Variants in TNN observed in about 807,000 individuals in gnomAD.
TNN encodes tenascin-N.
A neutral mutation model predicts 134.4 loss-of-function variants in TNN; 122 were observed. The ratio of observed to expected loss-of-function variants is 0.91; its 90% CI spans 0.78 to 1.06. The LOEUF is 1.06. Among genes scored for constraint, TNN ranks in the 50% least tolerant of loss-of-function variants. TNN has a pLI of 0.00. For synonymous variants in TNN, 710 were observed against 670.3 expected (o/e 1.06, Z -0.91); for missense variants, 1,739 against 1,699.4 (o/e 1.02, Z -0.41).
At chr1:175,076,762 G>C (rs1314424836) in intron 1 of TNN, among the ~76,000 whole-genome samples, 1 of 152,136 alleles carries the variant, frequency 6.6e-6, no homozygotes, top group Non-Finnish European at 1.5e-5. Context: ...GGCATTGTGG[G>C]GATGAGCATG....
rs1675540753 is a variant in TNN at position 175,126,834 on chromosome 1, C to T, written c.2915-121C>T. On this transcript the variant is annotated intron_variant, in intron 12 of 18. Coordinates refer to ENST00000239462, the MANE Select transcript of TNN (RefSeq NM_022093.2). The stretch of plus-strand genomic sequence containing the variant: ...AGGGAGGAAGAGAGCCTGCAAACTG[C>T]TTGAAAGAAGGAGGAGAAATGGGAG... The T allele has an allele frequency of 4.4e-6, 5 of 1,143,546 alleles. No homozygotes were observed. The South Asian group carries it at 8.0e-5, about 18-fold the overall frequency. The allele number at this position is 1,143,546 out of a possible 1,614,324, so 70.8% of individuals were successfully genotyped here.
intron 11 of TNN, among the ~76,000 whole-genome samples, chr1:175,121,796 T>C (rs1308056294): frequency 1.3e-5 from 2 of 152,224 alleles, no homozygotes; most frequent in Non-Finnish European, 2.9e-5. Flanking sequence ...GAGATTGGAC[T>C]ACCATTTCTT....
At chr1:175,125,507 T>C (rs1200140287) in intron 12 of TNN, among the ~76,000 whole-genome samples, 1 of 152,116 alleles carries the variant, frequency 6.6e-6, no homozygotes, top group East Asian at 1.9e-4. Flanking sequence ...AGAGCTCTGC[T>C]TTTCCTATAT....
Position 175,109,139 on chromosome 1 carries a change from A to G in TNN, c.2120-7800A>G, listed in dbSNP as rs1674952684. Among the ~76,000 whole-genome samples, 3 of 114,702 alleles carry G rather than the reference A, an allele frequency of 2.6e-5. No individual in the cohort carries two copies. In the South Asian group the frequency reaches 9.1e-4, roughly 35 times the overall value. 75.2% of individuals were successfully genotyped at this position (114,702 alleles called of 152,430 possible). A position where few individuals can be genotyped will look rare whatever the true frequency, so the allele number is the denominator to read the frequency against. ...CTCTGTCGCCCAGGCCGGACTGCGG[A>G]CTGCAGTGGCGCAATCTCGGCTCAC... On this transcript the variant is annotated intron_variant, in intron 9 of 18. Coordinates refer to ENST00000239462, the MANE Select transcript of TNN (RefSeq NM_022093.2).
chr1:175,080,975 G>C (rs868848963), intron 4 of TNN, among the ~76,000 whole-genome samples: 1 of 152,208 alleles, frequency 6.6e-6, no homozygotes, highest in Admixed American at 6.5e-5. Context: ...GTTGGTACTT[G>C]GACCCAGAGA....
At chr1:175,087,719 G>C (rs1674350579) in intron 6 of TNN, among the ~76,000 whole-genome samples, 1 of 152,114 alleles carries the variant, frequency 6.6e-6, no homozygotes. Flanking sequence ...TGTCTCCCTG[G>C]AAATAGCCTC....
chr1:175,143,459 G>T (rs898736231), intron 17 of TNN, among the ~76,000 whole-genome samples: 5 of 152,042 alleles, frequency 3.3e-5, no homozygotes, highest in African/African-American at 1.2e-4. Flanking sequence ...TGTAATGAAG[G>T]ACTGAATTTT....
chr1:175,117,333 A>C, intron 10 of TNN, 128 bp downstream of exon 10: 1 of 1,463,042 alleles, frequency 6.8e-7, no homozygotes, highest in Non-Finnish European at 9.2e-7. Context: ...GCATCCCTTC[A>C]TAACAGATTG....
chr1:175,120,417 A>G (rs920011549), intron 11 of TNN, among the ~76,000 whole-genome samples: 5 of 152,222 alleles, frequency 3.3e-5, no homozygotes, highest in Non-Finnish European at 7.3e-5. Context: ...CACTCAAATA[A>G]CAGTTGCATC....
chr1:175,127,115 T>C (rs1675550000), intron 13 of TNN, 30 bp downstream of exon 13: 2 of 1,606,046 alleles, frequency 1.2e-6, no homozygotes, highest in East Asian at 2.2e-5. Context: ...TTTCTCCTGG[T>C]GCCTTCTCTT....
intron 1 of TNN, among the ~76,000 whole-genome samples, chr1:175,070,361 A>C (rs1315177644): frequency 1.3e-5 from 2 of 152,162 alleles, no homozygotes; most frequent in African/African-American, 2.4e-5. Flanking sequence ...TGAAAAAGTG[A>C]TTGAGTGCTG....
intron 1 of TNN, among the ~76,000 whole-genome samples, chr1:175,073,416 C>T (rs936474301): frequency 2.0e-5 from 3 of 152,174 alleles, no homozygotes; most frequent in Non-Finnish European, 4.4e-5. Flanking sequence ...TTCCCACTCC[C>T]CCCATCTTCT....
At chr1:175,124,051 T>G (rs886739538) in intron 12 of TNN, among the ~76,000 whole-genome samples, 1 of 152,174 alleles carries the variant, frequency 6.6e-6, no homozygotes, top group South Asian at 2.1e-4. Context: ...CCATCCTCAG[T>G]TGATGATGAA....
chr1:175,077,403 C>T lies in TNN; in HGVS notation c.-16C>T, dbSNP rs372100456. 1.6e-4 allele frequency: 261 copies of T among 1,604,586 alleles called. No homozygotes were observed. The highest frequency in any genetic ancestry group is 2.1e-4 in the Non-Finnish European group (244 of 1,174,330). The stretch of plus-strand genomic sequence containing the variant: ...ATACAGGCATCCTGGAGGGTCTGCT[C>T]CCTGTCTTTCCAAGGATGAGTCTCC... On this transcript the variant is annotated 5_prime_UTR_variant, in exon 2 of 19. Transcript: ENST00000239462.
chr1:175,071,774 C>G (rs1673920124), intron 1 of TNN, among the ~76,000 whole-genome samples: 1 of 152,152 alleles, frequency 6.6e-6, no homozygotes, highest in Non-Finnish European at 1.5e-5. Flanking sequence ...AGAATGATAT[C>G]AACTGACTCC....
rs1674163760 is a variant in TNN at position 175,080,103 on chromosome 1, A to T, written c.785-60A>T. Reference sequence around the variant, plus strand: ...CCCTTATAGTGCTCAGGGAATACTCACTGGGTCTGGATCGCCTCCCTTGCT... The same window carrying T: ...CCCTTATAGTGCTCAGGGAATACTCTCTGGGTCTGGATCGCCTCCCTTGCT... On this transcript the variant is annotated intron_variant, in intron 3 of 18. Transcript: ENST00000239462. 4.4e-6 allele frequency: 7 copies of T among 1,592,434 alleles called. No individual in the cohort carries two copies. In the Admixed American group the frequency reaches 6.7e-5, roughly 15 times the overall value.
chr1:175,103,709 C>T (rs1376906917), intron 9 of TNN, among the ~76,000 whole-genome samples: 1 of 144,084 alleles, frequency 6.9e-6, no homozygotes, highest in Admixed American at 7.0e-5. Context: ...TTCTGACTAC[C>T]TCTTTGACTT....
chr1:175,106,944 A>G (rs553964173), intron 9 of TNN, among the ~76,000 whole-genome samples: 6 of 146,068 alleles, frequency 4.1e-5, no homozygotes, highest in Non-Finnish European at 6.1e-5. Context: ...TGGCTGACAG[A>G]TGCCCGGTAT....
chr1:175,135,910 C>A lies in TNN; in HGVS notation c.3396C>A (p.Gly1132=). Residue 1132 remains glycine, a synonymous_variant, in exon 16 of 19, where the codon GGC becomes GGA. Coordinates refer to ENST00000239462, the MANE Select transcript of TNN (RefSeq NM_022093.2). ...AGCGATGGAGGAGCTATGTGGAAGGCTTTGGGGACCCCATGAAGGAGTTCT... is the reference window on the plus strand; with the variant it reads ...AGCGATGGAGGAGCTATGTGGAAGGATTTGGGGACCCCATGAAGGAGTTCT... ...FFKRWRSYVE[G]FGDPMKEFWL... The A allele has an allele frequency of 6.2e-7, 1 of 1,613,752 alleles. No homozygotes were observed. The highest frequency in any genetic ancestry group is 8.5e-7 in the Non-Finnish European group (1 of 1,179,766).
Sources: allele counts gnomAD v4.1 joint callset (sites outside exome capture counted in the v4.1 genomes callset), GRCh38; gene constraint gnomAD v4.1.1; transcripts MANE v1.5; gene names NCBI Gene and HGNC (gene_info 2026-07-23, HGNC 2026-07-21).